Variants in MYO18B observed in about 807,000 individuals in gnomAD.
The protein encoded by MYO18B is myosin XVIIIB, also known as unconventional myosin-XVIIIb.
Under a neutral mutation model 273.0 loss-of-function variants are expected in MYO18B, and 204 were observed. The observed-to-expected ratio is 0.75, with a 90% CI of 0.67 to 0.84. The LOEUF is 0.84. MYO18B is among the 40% of genes least tolerant of loss of function. MYO18B has a pLI of 0.00. For missense variants in MYO18B, 3,212 were observed against 3,287.6 expected (o/e 0.98, Z 0.56); for synonymous variants, 1,330 against 1,305.7 (o/e 1.02, Z -0.40).
chr22:25,890,318 C>T (rs141298738), intron 25 of MYO18B, among the ~76,000 whole-genome samples: 1 of 152,306 alleles, frequency 6.6e-6, no homozygotes, highest in East Asian at 1.9e-4. Context: ...GGGCATCCAT[C>T]AGTGTGTCTT....
chr22:25,904,887 C>T (rs2092009244), intron 31 of MYO18B, among the ~76,000 whole-genome samples: 1 of 151,062 alleles, frequency 6.6e-6, no homozygotes, highest in Non-Finnish European at 1.5e-5. Context: ...ATAATTTTAG[C>T]TCTAAAATTC....
At chr22:25,783,953 A>ACCTAGCCCAGGGCT (rs2087269592) in intron 10 of MYO18B, among the ~76,000 whole-genome samples, 1 of 152,192 alleles carries the variant, frequency 6.6e-6, no homozygotes, top group Non-Finnish European at 1.5e-5. Flanking sequence ...CGTCACCCAT[A>ACCTAGCCCAGGGCT]TGGAAGCTTC....
At chr22:26,003,713 C>T (rs5761351) in intron 41 of MYO18B, among the ~76,000 whole-genome samples, 12,859 of 152,174 alleles carry the variant, frequency 0.085, 1,434 homozygotes, top group African/African-American at 0.25. Flanking sequence ...CCCAAAATTC[C>T]GTTCTTCAGT....
At chr22:26,039,442 A>G in the MYO18B span, among the ~76,000 whole-genome samples, 19 of 152,056 alleles carry the variant, frequency 1.2e-4, no homozygotes, top group Admixed American at 3.9e-4. Context: ...CATCCACTCA[A>G]AAGACCATCC....
intron 3 of MYO18B, among the ~76,000 whole-genome samples, chr22:25,764,659 G>A (rs941177417): frequency 6.6e-6 from 1 of 152,242 alleles, no homozygotes; most frequent in Non-Finnish European, 1.5e-5. Flanking sequence ...CTTTGTTGGG[G>A]AGGTTGACAG....
chr22:25,754,563 C>T (rs1400019586), intron 1 of MYO18B, among the ~76,000 whole-genome samples: 1 of 152,056 alleles, frequency 6.6e-6, no homozygotes, highest in Non-Finnish European at 1.5e-5. Flanking sequence ...TTTCTCTCCC[C>T]AGCCTCTCTC....
At chr22:25,976,703 G>C (rs2093093487) in intron 39 of MYO18B, among the ~76,000 whole-genome samples, 1 of 152,032 alleles carries the variant, frequency 6.6e-6, no homozygotes, top group Non-Finnish European at 1.5e-5. Flanking sequence ...ATCTGGCATT[G>C]ATCACCAGCA....
In MYO18B at chr22:26,027,554, G is replaced by A. The variant is rs774585275; in HGVS notation, c.7580G>A (p.Arg2527Gln). The change falls in exon 43 of 44, where the codon CGA (arginine) becomes CAA (glutamine). Residue 2527 changes from arginine to glutamine, a missense_variant. Physicochemically the swap from Arg to Gln is conservative, Grantham distance 43. Transcript: ENST00000335473. The surrounding 1 kb of genome is among the most constrained non-coding windows in gnomAD (Gnocchi z 4.1). ...AAAAGTGCTGACAGCATCAAAAGTC[G>A]ACCAGGAATCCCACGACTTGCGGGT... ...SFKSADSIKS[R>Q]PGIPRLAGDG... 8.7e-6 allele frequency: 14 copies of A among 1,613,944 alleles called. No individual in the cohort carries two copies. The highest frequency in any genetic ancestry group is 5.3e-5 in the African/African-American group (4 of 75,018).
At chr22:26,048,733 G>A in the MYO18B span, among the ~76,000 whole-genome samples, 1 of 152,080 alleles carries the variant, frequency 6.6e-6, no homozygotes, top group Non-Finnish European at 1.5e-5. Flanking sequence ...TGGCTATTGT[G>A]AATAGTGCTG....
chr22:26,009,899 T>C (rs1354722305), intron 42 of MYO18B, among the ~76,000 whole-genome samples: 3 of 152,120 alleles, frequency 2.0e-5, no homozygotes, highest in Non-Finnish European at 2.9e-5. Flanking sequence ...CTTTATATTC[T>C]CCCAAGTTTT....
chr22:25,748,991 A>G (rs1287815037), intron 1 of MYO18B, among the ~76,000 whole-genome samples: 1 of 152,216 alleles, frequency 6.6e-6, no homozygotes. Context: ...GGCAATAGAT[A>G]GCACTTATGC....
chr22:26,055,648 G>A, the MYO18B span, among the ~76,000 whole-genome samples: 8 of 152,332 alleles, frequency 5.3e-5, no homozygotes, highest in Non-Finnish European at 1.0e-4. Context: ...CAAGAGGAGA[G>A]GCAGGAGGGA....
At chr22:26,000,505 G>A (rs1933850612) in intron 40 of MYO18B, among the ~76,000 whole-genome samples, 1 of 151,638 alleles carries the variant, frequency 6.6e-6, no homozygotes, top group Non-Finnish European at 1.5e-5. Flanking sequence ...CTATATGGTA[G>A]TGAGTTCTGC....
Position 25,770,164 on chromosome 22 carries a change from G to A in MYO18B, c.1567G>A (p.Gly523Arg). 6.2e-7 allele frequency: 1 copy of A among 1,613,948 alleles called. No homozygotes were observed. The highest frequency in any genetic ancestry group is 8.5e-7 in the Non-Finnish European group (1 of 1,179,864). ...GAAAGTCTGGCTGGCTCAGAAGGAT[G>A]GATTTACTCTTGGTAAGTAGGGGTG... ...AEKVWLAQKD[G>R]FTLATVLKPD... The change falls in exon 5 of 44, where the codon GGA becomes AGA. Residue 523 changes from glycine to arginine, a missense_variant. Coordinates refer to ENST00000335473, the MANE Select transcript of MYO18B (RefSeq NM_032608.7).
chr22:26,051,156 G>A, the MYO18B span, among the ~76,000 whole-genome samples: 787 of 151,364 alleles, frequency 5.2e-3, 5 homozygotes, highest in African/African-American at 0.016. Context: ...TCTACAAGAT[G>A]CATGCTAGGT....
intron 39 of MYO18B, among the ~76,000 whole-genome samples, chr22:25,966,426 C>T (rs563296661): frequency 1.6e-4 from 24 of 152,246 alleles, no homozygotes; most frequent in African/African-American, 2.4e-4. Context: ...AACTTGAAAG[C>T]GTAAAGATGA....
At chr22:25,852,840 T>A (rs1401383157) in intron 21 of MYO18B, among the ~76,000 whole-genome samples, 1 of 152,244 alleles carries the variant, frequency 6.6e-6, no homozygotes, top group Non-Finnish European at 1.5e-5. Flanking sequence ...GAATGTAAAC[T>A]GGTTATGTCA....
intron 17 of MYO18B, among the ~76,000 whole-genome samples, chr22:25,837,667 T>C (rs1214059121): frequency 2.0e-5 from 3 of 152,162 alleles, no homozygotes; most frequent in South Asian, 2.1e-4. Flanking sequence ...CCTGTGCCCA[T>C]ATCAGGACAG....
At chr22:26,039,230 ACT>A in the MYO18B span, among the ~76,000 whole-genome samples, 1 of 151,864 alleles carries the variant, frequency 6.6e-6, no homozygotes, top group African/African-American at 2.4e-5. Context: ...CTTTGGCAAC[ACT>A]CTCACAGACA....
Sources: allele counts gnomAD v4.1 joint callset (sites outside exome capture counted in the v4.1 genomes callset), GRCh38; gene constraint gnomAD v4.1.1; non-coding constraint Gnocchi (gnomAD v3.1); transcripts MANE v1.5; gene names NCBI Gene and HGNC (gene_info 2026-07-23, HGNC 2026-07-21).